The following DRG2 variants were observed in gnomAD, a reference collection of about 807,000 sequenced individuals.
The protein encoded by DRG2 is developmentally-regulated GTP-binding protein 2.
In DRG2, 36 loss-of-function variants were observed where a neutral mutation model predicts 53.4. The ratio of observed to expected loss-of-function variants is 0.67; its 90% CI spans 0.52 to 0.89. The LOEUF (loss-of-function observed/expected upper bound fraction) is 0.89. Ranked by LOEUF, DRG2 falls within the 40% of genes least tolerant of loss-of-function variation. The pLI, the probability that DRG2 is intolerant of heterozygous loss-of-function variation, is 0.00. For synonymous variants in DRG2, 167 were observed against 192.1 expected, an observed-to-expected ratio of 0.87 and a Z score of 1.08; for missense variants, 342 against 481.2, an observed-to-expected ratio of 0.71 and a Z score of 2.71.
intron 8 of DRG2, 107 bp from the exon 9 acceptor site, chr17:18,101,814 A>G: frequency 7.5e-7 from 1 of 1,332,870 alleles, no homozygotes; most frequent in East Asian, 2.5e-5. Flanking sequence ...AAGGGCGTAG[A>G]CTCAGCTCTC....
intron 9 of DRG2, among the ~76,000 whole-genome samples, chr17:18,102,780 C>T (rs1376775302): frequency 1.3e-5 from 2 of 152,258 alleles, no homozygotes; most frequent in African/African-American, 4.8e-5. Context: ...GTTCTCAGGC[C>T]CTGGCCACTC....
Position 18,107,406 on chromosome 17 carries a change from T to G in DRG2, c.*166T>G. ...GTTTCTTCAGTAGGCAGACGAAGAG[T>G]GTGTTGGGGCAAAGGGGCTCGGTTG... is the stretch of plus-strand genomic sequence containing the variant. On this transcript the variant is annotated 3_prime_UTR_variant, in exon 13 of 13. Coordinates refer to ENST00000225729, the MANE Select transcript of DRG2 (RefSeq NM_001388.5). 1 of 689,706 alleles carries G rather than the reference T, an allele frequency of 1.4e-6. No individual in the cohort carries two copies. Among genetic ancestry groups the G allele is most frequent in the Non-Finnish European group, 2.5e-6 (1 of 403,312 alleles). 42.7% of individuals were successfully genotyped at this position (689,706 alleles called of 1,614,324 possible).
At chr17:18,091,216 T>C (rs1260863703) in intron 1 of DRG2, among the ~76,000 whole-genome samples, 1 of 152,208 alleles carries the variant, frequency 6.6e-6, no homozygotes, top group Non-Finnish European at 1.5e-5. Flanking sequence ...CCAACTTTTA[T>C]TGGGTGCTTA....
chr17:18,096,308 CTG>C (rs577479308), intron 2 of DRG2: 88 of 152,286 alleles, frequency 5.8e-4, no homozygotes, highest in African/African-American at 2.1e-3. Flanking sequence ...TCTACAGAAA[CTG>C]TTTGGAATTC....
At position 18,107,497 on chromosome 17, in the gene DRG2, C is replaced by G; in HGVS notation, c.*257C>G. The G allele has an allele frequency of 1.9e-6, 1 of 534,156 alleles. No homozygotes were observed. The allele number at this position is 534,156 out of a possible 1,614,324, so 33.1% of individuals were successfully genotyped here. ...TGAGTTTGTAGTGCTGAGCCTGCATCTGTGCCTCCCAGCCCCCTGCACTGA... is the reference window on the plus strand; with the variant it reads ...TGAGTTTGTAGTGCTGAGCCTGCATGTGTGCCTCCCAGCCCCCTGCACTGA... On this transcript the variant is annotated 3_prime_UTR_variant, in exon 13 of 13. Coordinates refer to ENST00000225729, the MANE Select transcript of DRG2 (RefSeq NM_001388.5).
chr17:18,099,831 GT>G lies in DRG2; in HGVS notation c.467+109del. On this transcript the variant is annotated intron_variant, in intron 5 of 12. Transcript: ENST00000225729. This position sits in a 1 kb window ranked among gnomAD's most constrained non-coding sequence, Gnocchi z 4.4. ...GTGTTTGGCTCTCTCACACGTGAGA[GT>G]AGTGGTAGGACTTGTCACAGACTAA... is the stretch of plus-strand genomic sequence containing the variant. 1.2e-5 allele frequency: 13 copies of G among 1,113,910 alleles called. No individual in the cohort carries two copies. The highest frequency in any genetic ancestry group is 2.6e-5 in the East Asian group (1 of 38,770). The allele number at this position is 1,113,910 out of a possible 1,614,324, so 69.0% of individuals were successfully genotyped here.
chr17:18,101,938 C>T lies in DRG2; in HGVS notation c.747C>T (p.Asp249=), dbSNP rs374609504. The part of the protein sequence containing the change: ...MPCLYVYNKI[D]QISMEEVDRL... ...AATCTCAGGTTTATAACAAAATCGA[C>T]CAGATCTCCATGGAAGAGGTGGACC... is the stretch of plus-strand genomic sequence containing the variant. Residue 249 remains aspartate, a synonymous_variant, in exon 9 of 13, where the codon GAC becomes GAT. Transcript: ENST00000225729. The T allele has an allele frequency of 3.4e-5, 55 of 1,612,604 alleles. No individual in the cohort carries two copies. The highest frequency in any genetic ancestry group is 4.4e-5 in the Non-Finnish European group (52 of 1,179,188).
chr17:18,102,903 GTGCTCCACTT>G (rs914378529), intron 9 of DRG2, among the ~76,000 whole-genome samples: 1 of 152,170 alleles, frequency 6.6e-6, no homozygotes, highest in Non-Finnish European at 1.5e-5. Context: ...ACTGATTCAG[GTGCTCCACTT>G]TGCTGGTTTC....
chr17:18,090,410 T>A (rs866247940), intron 1 of DRG2, among the ~76,000 whole-genome samples: 53 of 55,736 alleles, frequency 9.5e-4, no homozygotes, highest in East Asian at 1.6e-3. Context: ...ATATATATTT[T>A]TTTTTTTTTT....
At position 18,100,986 on chromosome 17, in the gene DRG2, G is replaced by A. The variant is rs1005132554; in HGVS notation, c.631+327G>A. Among the ~76,000 whole-genome samples the A allele has an allele frequency of 1.3e-5, 2 of 152,198 alleles. No individual in the cohort carries two copies. The highest frequency in any genetic ancestry group is 2.9e-5 in the Non-Finnish European group (2 of 68,024). On this transcript the variant is annotated intron_variant, in intron 7 of 12. Transcript: ENST00000225729. The surrounding 1 kb of genome is among the most constrained non-coding windows in gnomAD (Gnocchi z 4.1). ...CCCCAGGGAGAGCTGGGGAATGGGT[G>A]GTGCCTCTAAAGTAGTGTCGGGGGC...
rs756938786 is a variant in DRG2 at position 18,093,863 on chromosome 17, G to T, written c.115G>T (p.Ala39Ser). The T allele has an allele frequency of 5.0e-6, 8 of 1,614,178 alleles. No individual in the cohort carries two copies. Among genetic ancestry groups the T allele is most frequent in the Non-Finnish European group, 6.8e-6 (8 of 1,180,040 alleles). The change falls in exon 2 of 13, where the codon GCC becomes TCC. Residue 39 changes from alanine (A) to serine (S), a missense_variant. Ala to Ser is a moderately conservative substitution (Grantham distance 99). Coordinates refer to ENST00000225729, the MANE Select transcript of DRG2 (RefSeq NM_001388.5). ...LLKAKLAKYR[A>S]QLLEPSKSAS... The stretch of plus-strand genomic sequence containing the variant: ...GAAAGCTAAGCTCGCCAAGTATCGG[G>T]CCCAGCTCCTGGAACCGTCCAAATC...
intron 12 of DRG2, 26 bp downstream of exon 12, chr17:18,106,512 AG>A (rs1567608026): frequency 1.9e-6 from 3 of 1,613,570 alleles, no homozygotes; most frequent in Non-Finnish European, 2.5e-6. Context: ...GAAAGCAACC[AG>A]GGGGGTAGAC....
Position 18,088,073 on chromosome 17 carries a change from C to T in DRG2, c.50C>T (p.Thr17Ile), listed in dbSNP as rs1442435124. 1 of 1,548,618 alleles carries T rather than the reference C, an allele frequency of 6.5e-7. No individual in the cohort carries two copies. Among genetic ancestry groups the T allele is most frequent in the Admixed American group, 2.0e-5 (1 of 50,562 alleles). The stretch of plus-strand genomic sequence containing the variant: ...GAGATCGAGAAGGAGATCGCTCGGA[C>T]ACAGAAGAACAAGGGTGAGGGCCGG... ...ISEIEKEIAR[T>I]QKNKATEYHL... The change falls in exon 1 of 13, where the codon ACA becomes ATA. Residue 17 changes from threonine (T) to isoleucine (I), a missense_variant. Thr to Ile is a moderately conservative substitution (Grantham distance 89). Transcript: ENST00000225729.
chr17:18,098,631 G>A lies in DRG2; in HGVS notation c.315+272G>A, dbSNP rs2045473756. The A allele has an allele frequency of 6.2e-6, 3 of 485,554 alleles. No individual in the cohort carries two copies. The highest frequency in any genetic ancestry group is 3.4e-5 in the Admixed American group (1 of 29,192). 30.1% of individuals were successfully genotyped at this position (485,554 alleles called of 1,614,324 possible). On this transcript the variant is annotated intron_variant, in intron 3 of 12. Transcript: ENST00000225729. This position sits in a 1 kb window ranked among gnomAD's most constrained non-coding sequence, Gnocchi z 4.1. ...TGCTCTCCTCCCCAACACCACCACA[G>A]CTCTGGTCACTAATTGCTGCTTGGC...
At chr17:18,090,396 ATATATATATATTTTTTTTTTTT>A (rs2045307503) in intron 1 of DRG2, among the ~76,000 whole-genome samples, 1 of 10,760 alleles carries the variant, frequency 9.3e-5, no homozygotes, top group African/African-American at 7.3e-4. Context: ...ATATATATAT[ATATATATATATTTTTTTTTTTT>A]TTTTTTTTTT....
In DRG2 at chr17:18,103,504, G is replaced by C. The variant is rs1056191354; in HGVS notation, c.807-297G>C. ...TGCCCATGGTCCCGTCACAGCCCCC[G>C]GCCATCTCGCCATGGCAGCCCTTCA... is the stretch of plus-strand genomic sequence containing the variant. On this transcript the variant is annotated intron_variant, in intron 9 of 12. Transcript: ENST00000225729. This position sits in a 1 kb window ranked among gnomAD's most constrained non-coding sequence, Gnocchi z 4.4. 6.6e-6 allele frequency among the ~76,000 whole-genome samples: 1 copy of C among 152,114 alleles called. No individual in the cohort carries two copies. Among genetic ancestry groups the C allele is most frequent in the African/African-American group, 2.4e-5 (1 of 41,420 alleles).
chr17:18,106,512 A>AG (rs1567608026), intron 12 of DRG2, 26 bp downstream of exon 12: 1 of 1,613,576 alleles, frequency 6.2e-7, no homozygotes, highest in Non-Finnish European at 8.5e-7. Context: ...GAAAGCAACC[A>AG]GGGGGGTAGA....
intron 12 of DRG2, 50 bp from the exon 13 acceptor site, chr17:18,107,101 GACC>G: frequency 6.4e-7 from 1 of 1,557,502 alleles, no homozygotes; most frequent in South Asian, 1.1e-5. Flanking sequence ...TATCTTCCTT[GACC>G]TTGGCCAGTC....
In DRG2 at chr17:18,100,515, C is replaced by T. The variant is rs1217432238; in HGVS notation, c.541-54C>T. 1 of 1,613,230 alleles carries T rather than the reference C, an allele frequency of 6.2e-7. No homozygotes were observed. On this transcript the variant is annotated intron_variant, in intron 6 of 12. Coordinates refer to ENST00000225729, the MANE Select transcript of DRG2 (RefSeq NM_001388.5). This position sits in a 1 kb window ranked among gnomAD's most constrained non-coding sequence, Gnocchi z 4.1. ...TGGCTGGCGGCTGAGGCTGTGGGAC[C>T]ATTGCTGTGACCCCTCGGTCAGCAG...
Sources: gnomAD v4.1 joint callset for allele counts (sites outside exome capture counted in the v4.1 genomes callset) on GRCh38, gnomAD v4.1.1 for gene constraint, Gnocchi (gnomAD v3.1) non-coding constraint, MANE v1.5 for transcripts, NCBI Gene and HGNC (gene_info 2026-07-23, HGNC 2026-07-21) for gene names.